Variants in ARHGAP21 observed in about 807,000 individuals in gnomAD.
ARHGAP21 encodes the protein rho GTPase-activating protein 21.
In ARHGAP21, 38 loss-of-function variants were observed where a neutral mutation model predicts 164.6. The observed-to-expected ratio is 0.23, with a 90% confidence interval of 0.18 to 0.30. The LOEUF is 0.30. Ranked by LOEUF, ARHGAP21 falls within the 10% of genes least tolerant of loss-of-function variation. The pLI is 1.00. For missense variants in ARHGAP21, 1,822 were observed against 2,370.7 expected (o/e 0.77, Z 4.81); for synonymous variants, 766 against 857.9 (o/e 0.89, Z 1.87).
At chr10:24,668,871 C>T (rs1309344546) in intron 3 of ARHGAP21, among the ~76,000 whole-genome samples, 4 of 152,020 alleles carry the variant, frequency 2.6e-5, no homozygotes, top group Non-Finnish European at 5.9e-5. Context: ...AAAAATTGTA[C>T]TACCTATATG....
chr10:24,628,422 AT>A (rs11312714), intron 7 of ARHGAP21, among the ~76,000 whole-genome samples: 76,924 of 150,308 alleles, frequency 0.51, 19,606 homozygotes, highest in Middle Eastern at 0.58. Flanking sequence ...GGCTTTAGTG[AT>A]TTTTTTTTTT....
Position 24,675,588 on chromosome 10 carries a change from A to C in ARHGAP21, c.64-5191T>G, listed in dbSNP as rs148013070. On this transcript the variant is annotated intron_variant, in intron 2 of 25. Coordinates refer to ENST00000396432, the MANE Select transcript of ARHGAP21 (RefSeq NM_020824.4). ...ATTATATATCAAACATACCTCAATA[A>C]AGACATTTAAACAAAAGAAGCAGCA... Among the ~76,000 whole-genome samples, 11 of 152,292 alleles carry C rather than the reference A, an allele frequency of 7.2e-5. No individual in the cohort carries two copies. The East Asian group carries it at 1.4e-3, about 19-fold the overall frequency.
At position 24,585,571 on chromosome 10, in the gene ARHGAP21, T is replaced by C. The variant is rs2076069108; in HGVS notation, c.4718A>G (p.His1573Arg). The change falls in exon 26 of 26, where the codon CAT becomes CGT. Residue 1573 changes from histidine (H) to arginine (R), a missense_variant. By Grantham distance (29) the His-to-Arg change is conservative. This residue lies in a region of ARHGAP21 where 333 missense variants were observed against 383.9 expected (regional missense o/e 0.87). Transcript: ENST00000396432. Reference protein sequence around the residue: ...MKKSTSPETKHSEFLANVSTI... With the variant: ...MKKSTSPETKRSEFLANVSTI... ...GCTGACGTTGGCCAAAAACTCGCTA[T>C]GTTTCGTTTCTGGACTGGTTGATTT... 2 of 1,614,066 alleles carry C rather than the reference T, an allele frequency of 1.2e-6. No homozygotes were observed. The highest frequency in any genetic ancestry group is 3.3e-5 in the Admixed American group (2 of 60,002).
chr10:24,590,350 G>A, intron 24 of ARHGAP21: 5 of 1,535,280 alleles, frequency 3.3e-6, no homozygotes, highest in Non-Finnish European at 4.4e-6. Context: ...CAAGAATCGG[G>A]GATTTCTGCA....
intron 2 of ARHGAP21, among the ~76,000 whole-genome samples, chr10:24,700,355 C>A (rs576914710): frequency 1.3e-5 from 2 of 152,302 alleles, no homozygotes; most frequent in East Asian, 1.9e-4. Context: ...AGCACTCACA[C>A]AGCACACCCA....
chr10:24,604,277 T>TA, intron 12 of ARHGAP21, 35 bp downstream of exon 12: 1 of 1,466,246 alleles, frequency 6.8e-7, no homozygotes, highest in Non-Finnish European at 9.2e-7. Flanking sequence ...TATGAAGAGA[T>TA]AAACTAAGGT....
chr10:24,615,289 C>G (rs1442196278), intron 9 of ARHGAP21, among the ~76,000 whole-genome samples: 1 of 152,198 alleles, frequency 6.6e-6, no homozygotes, highest in South Asian at 2.1e-4. Context: ...GAACTCGACA[C>G]TTCTAAACCA....
chr10:24,598,291 G>A (rs1360725983), intron 14 of ARHGAP21, among the ~76,000 whole-genome samples: 1 of 152,118 alleles, frequency 6.6e-6, no homozygotes, highest in Non-Finnish European at 1.5e-5. Flanking sequence ...GAATTGATCC[G>A]TCCATTTAAA....
At chr10:24,642,866 G>C (rs977597504) in intron 4 of ARHGAP21, among the ~76,000 whole-genome samples, 2 of 152,144 alleles carry the variant, frequency 1.3e-5, no homozygotes, top group African/African-American at 4.8e-5. Context: ...CCAGCACACA[G>C]AACACTGCAT....
intron 4 of ARHGAP21, among the ~76,000 whole-genome samples, chr10:24,658,076 CTCA>C (rs1839263062): frequency 7.0e-6 from 1 of 143,672 alleles, no homozygotes; most frequent in Non-Finnish European, 1.5e-5. Flanking sequence ...AAAAAAAATG[CTCA>C]TCATCACTGA....
chr10:24,668,067 AGTATT>A (rs1840363776), intron 3 of ARHGAP21, among the ~76,000 whole-genome samples: 1 of 152,224 alleles, frequency 6.6e-6, no homozygotes, highest in Non-Finnish European at 1.5e-5. Flanking sequence ...GTGTGTTACA[AGTATT>A]GTATCATTTA....
chr10:24,618,177 C>G (rs1053646345), intron 9 of ARHGAP21, among the ~76,000 whole-genome samples: 6 of 152,156 alleles, frequency 3.9e-5, no homozygotes, highest in African/African-American at 1.4e-4. Context: ...TAGAGCTGCA[C>G]AGTCATGATG....
At chr10:24,694,377 G>A (rs1357464697) in intron 2 of ARHGAP21, among the ~76,000 whole-genome samples, 2 of 152,244 alleles carry the variant, frequency 1.3e-5, no homozygotes, top group Non-Finnish European at 2.9e-5. Flanking sequence ...GACGGTTCCC[G>A]TCATTCCTTA....
chr10:24,591,203 AG>A (rs752775230), intron 24 of ARHGAP21, 21 bp downstream of exon 24: 2 of 1,577,128 alleles, frequency 1.3e-6, no homozygotes, highest in African/African-American at 2.7e-5. Context: ...CTAGAGGTCA[AG>A]ACTGCCCAGG....
chr10:24,685,183 A>C (rs1017550335), intron 2 of ARHGAP21, among the ~76,000 whole-genome samples: 2 of 152,162 alleles, frequency 1.3e-5, no homozygotes, highest in Admixed American at 1.3e-4. Context: ...TGTTTTTTCC[A>C]TTCCTATATT....
chr10:24,703,999 C>T (rs1039598828), intron 2 of ARHGAP21, among the ~76,000 whole-genome samples: 3 of 152,192 alleles, frequency 2.0e-5, no homozygotes, highest in African/African-American at 7.2e-5. Context: ...GACACGTTAA[C>T]ATGAAAATTC....
At chr10:24,686,252 G>T (rs1036115873) in intron 2 of ARHGAP21, among the ~76,000 whole-genome samples, 3 of 151,936 alleles carry the variant, frequency 2.0e-5, no homozygotes, top group African/African-American at 7.3e-5. Flanking sequence ...AACATGATGA[G>T]GCCCTGTCTC....
intron 7 of ARHGAP21, among the ~76,000 whole-genome samples, chr10:24,624,701 A>G (rs1159687767): frequency 6.6e-6 from 1 of 151,930 alleles, no homozygotes; most frequent in Non-Finnish European, 1.5e-5. Flanking sequence ...TATTTTTGAA[A>G]CCAATGTCAT....
chr10:24,599,290 A>G (rs1486886799), intron 14 of ARHGAP21, among the ~76,000 whole-genome samples: 1 of 152,236 alleles, frequency 6.6e-6, no homozygotes, highest in African/African-American at 2.4e-5. Flanking sequence ...ACTCCTCTGA[A>G]CTATTACTTA....
Sources: allele counts gnomAD v4.1 joint callset (sites outside exome capture counted in the v4.1 genomes callset), GRCh38; gene constraint gnomAD v4.1.1; regional missense constraint gnomAD v4.1.1; transcripts MANE v1.5; gene names NCBI Gene and HGNC (gene_info 2026-07-23, HGNC 2026-07-21).